Variants in RAB38 observed in about 807,000 individuals in gnomAD.
RAB38 encodes the protein RAB38, member RAS oncogene family, also known as ras-related protein Rab-38.
RAB38 carries 15 observed loss-of-function variants against 18.4 expected under a neutral mutation model. The observed-to-expected ratio is 0.82, with a 90% CI of 0.55 to 1.26. The LOEUF is 1.26. RAB38 is among the 50% of genes most tolerant of loss of function. The pLI is 0.00. For missense variants in RAB38, 294 were observed against 267.4 expected, an observed-to-expected ratio of 1.10 and a Z score of -0.69; for synonymous variants, 101 against 104.4, an observed-to-expected ratio of 0.97 and a Z score of 0.20.
chr11:87,882,961 A>G, the RAB38 span, among the ~76,000 whole-genome samples: 4 of 151,918 alleles, frequency 2.6e-5, no homozygotes, highest in East Asian at 2.0e-4. Context: ...CTGAGTTCCA[A>G]CACAGCTATG....
the RAB38 span, among the ~76,000 whole-genome samples, chr11:87,950,092 T>C: frequency 6.6e-6 from 1 of 152,218 alleles, no homozygotes; most frequent in Admixed American, 6.5e-5. Flanking sequence ...GGTGCATATA[T>C]ATTTAGGATA....
the RAB38 span, among the ~76,000 whole-genome samples, chr11:87,900,419 T>A: frequency 0.04 from 6,069 of 151,684 alleles, 383 homozygotes; most frequent in African/African-American, 0.14. Flanking sequence ...TTTGGTGAGA[T>A]CCTAATGCAT....
the RAB38 span, among the ~76,000 whole-genome samples, chr11:87,876,236 G>A: frequency 1.5e-4 from 22 of 151,428 alleles, no homozygotes; most frequent in Non-Finnish European, 2.7e-4. Context: ...GATCAACTAC[G>A]ACATTCATGC....
At chr11:88,076,312 A>C in the RAB38 span, among the ~76,000 whole-genome samples, 1 of 152,134 alleles carries the variant, frequency 6.6e-6, no homozygotes, top group African/African-American at 2.4e-5. Flanking sequence ...ACCTACAGCT[A>C]ATATTGTACC....
At chr11:88,016,521 T>G in the RAB38 span, among the ~76,000 whole-genome samples, 2 of 152,092 alleles carry the variant, frequency 1.3e-5, no homozygotes, top group Non-Finnish European at 2.9e-5. Context: ...GGCACAGATG[T>G]TCTCTCCCAG....
At chr11:88,089,778 T>G in the RAB38 span, among the ~76,000 whole-genome samples, 2 of 151,966 alleles carry the variant, frequency 1.3e-5, no homozygotes, top group African/African-American at 2.4e-5. Flanking sequence ...GCACATGAAC[T>G]CTAAGATTTA....
chr11:88,156,985 C>T (rs949724947), intron 1 of RAB38, among the ~76,000 whole-genome samples: 2 of 152,178 alleles, frequency 1.3e-5, no homozygotes, highest in Admixed American at 1.3e-4. Flanking sequence ...ATCATAACCT[C>T]ACATATAAAT....
In RAB38 at chr11:88,175,152, T is replaced by C. The variant is rs201798626; in HGVS notation, c.202+31A>G. On this transcript the variant is annotated intron_variant, in intron 1 of 2. Transcript: ENST00000243662. ...ACTGGAAACCGGCCGCGAGGCGCTC[T>C]ATCCCCCTGACCCCCTCCCCCCGCG... The C allele has an allele frequency of 1.1e-5, 17 of 1,547,528 alleles. No individual in the cohort carries two copies. In the Admixed American group the frequency reaches 3.2e-4, roughly 29 times the overall value.
At chr11:88,004,452 C>T in the RAB38 span, among the ~76,000 whole-genome samples, 1 of 150,994 alleles carries the variant, frequency 6.6e-6, no homozygotes, top group African/African-American at 2.4e-5. Flanking sequence ...TATCAGAAAA[C>T]CTGAAATATA....
At chr11:87,824,079 C>A in the RAB38 span, among the ~76,000 whole-genome samples, 1 of 152,078 alleles carries the variant, frequency 6.6e-6, no homozygotes, top group Non-Finnish European at 1.5e-5. Flanking sequence ...AGCAATTTGC[C>A]TCCAAAATCC....
At chr11:87,825,055 A>G in the RAB38 span, among the ~76,000 whole-genome samples, 1 of 152,092 alleles carries the variant, frequency 6.6e-6, no homozygotes. Context: ...AATCAAGAAT[A>G]GCATCGAACT....
chr11:88,111,833 G>A (rs1942478531), downstream of RAB38, among the ~76,000 whole-genome samples: 1 of 152,158 alleles, frequency 6.6e-6, no homozygotes, highest in East Asian at 1.9e-4. Context: ...AGGCTCTCCT[G>A]GAGAACACAA....
At chr11:88,054,327 G>GCATTCTAA in the RAB38 span, among the ~76,000 whole-genome samples, 1 of 152,106 alleles carries the variant, frequency 6.6e-6, no homozygotes, top group Admixed American at 6.5e-5. Context: ...GTAGTTTTCT[G>GCATTCTAA]CATTCTAACA....
chr11:88,026,421 G>A, the RAB38 span, among the ~76,000 whole-genome samples: 3 of 151,560 alleles, frequency 2.0e-5, no homozygotes, highest in African/African-American at 7.3e-5. Context: ...AAATTAGCTG[G>A]GCGTGGTGGA....
chr11:88,139,236 C>T (rs1942875459), intron 2 of RAB38, among the ~76,000 whole-genome samples: 2 of 152,038 alleles, frequency 1.3e-5, no homozygotes. Context: ...AAATGAAATA[C>T]CCAGGAGTTC....
At chr11:87,882,304 T>C in the RAB38 span, among the ~76,000 whole-genome samples, 3 of 151,834 alleles carry the variant, frequency 2.0e-5, no homozygotes, top group Non-Finnish European at 4.4e-5. Context: ...GCCTGTAAAT[T>C]TGTATATAAG....
At chr11:88,066,725 A>G in the RAB38 span, among the ~76,000 whole-genome samples, 3 of 152,220 alleles carry the variant, frequency 2.0e-5, no homozygotes, top group Admixed American at 2.0e-4. Flanking sequence ...TCTAAAAACT[A>G]GACATAAAAC....
the RAB38 span, among the ~76,000 whole-genome samples, chr11:87,965,177 A>T: frequency 6.6e-6 from 1 of 152,188 alleles, no homozygotes; most frequent in Non-Finnish European, 1.5e-5. Context: ...CTCAGTTGAG[A>T]ACCACTGTAC....
At chr11:87,938,618 C>CA in the RAB38 span, among the ~76,000 whole-genome samples, 2 of 69,714 alleles carry the variant, frequency 2.9e-5, no homozygotes, top group Non-Finnish European at 5.2e-5. Context: ...TGCTCTTTTC[C>CA]GTTTTTTTTT....
Sources: gnomAD v4.1 joint callset for allele counts (sites outside exome capture counted in the v4.1 genomes callset) on GRCh38, gnomAD v4.1.1 for gene constraint, MANE v1.5 for transcripts, NCBI Gene and HGNC (gene_info 2026-07-23, HGNC 2026-07-21) for gene names.